DISP1: variants seen among roughly 807,000 people sequenced by gnomAD.
DISP1 encodes the protein protein dispatched homolog 1.
A neutral mutation model predicts 37.3 loss-of-function variants in DISP1; 30 were observed. That is an observed-to-expected ratio of 0.80 (90% CI 0.60 to 1.09). The LOEUF is 1.09. Among genes scored for constraint, DISP1 ranks in the 50% least tolerant of loss-of-function variants. DISP1 has a pLI of 0.00. For missense variants in DISP1, 1,598 were observed against 1,879.5 expected, an observed-to-expected ratio of 0.85 and a Z score of 2.77; for synonymous variants, 634 against 690.2, an observed-to-expected ratio of 0.92 and a Z score of 1.28.
chr1:223,002,895 C>G lies in DISP1; in HGVS notation c.1498C>G (p.Leu500Val), dbSNP rs1281010740. Residue 500 changes from leucine to valine, a missense_variant, in exon 9 of 9, where the codon CTT becomes GTT. Coordinates refer to ENST00000675850, the MANE Select transcript of DISP1 (RefSeq NM_001377229.1). ...CAAACACAGTTTGTTTCAGGATTAT[C>G]TTCTAATGGATACTGTGTATCCTGC... Reference protein sequence around the residue: ...GIKHSLFQDYLLMDTVYPAIA... With the variant: ...GIKHSLFQDYVLMDTVYPAIA... 1 of 1,613,866 alleles carries G rather than the reference C, an allele frequency of 6.2e-7. No individual in the cohort carries two copies. The highest frequency in any genetic ancestry group is 8.5e-7 in the Non-Finnish European group (1 of 1,180,052).
intron 2 of DISP1, 107 bp from the exon 3 acceptor site, chr1:222,942,700 G>T: frequency 4.5e-6 from 6 of 1,325,952 alleles, no homozygotes; most frequent in Admixed American, 1.8e-5. Context: ...TCACAACTCT[G>T]CAAGAACCCT....
At chr1:222,961,678 G>GT (rs1413879411) in intron 3 of DISP1, among the ~76,000 whole-genome samples, 3 of 152,156 alleles carry the variant, frequency 2.0e-5, no homozygotes, top group Non-Finnish European at 4.4e-5. Flanking sequence ...AAGTCAAATT[G>GT]TATCTGTTTG....
At chr1:222,908,728 G>A (rs17163548) in intron 1 of DISP1, among the ~76,000 whole-genome samples, 45,361 of 151,976 alleles carry the variant, frequency 0.3, 6,984 homozygotes, top group South Asian at 0.45. Context: ...ATTGAAATCA[G>A]TAACCTAATG....
chr1:222,927,350 T>C (rs1673146219), intron 1 of DISP1, among the ~76,000 whole-genome samples: 2 of 152,200 alleles, frequency 1.3e-5, no homozygotes, highest in Admixed American at 6.5e-5. Context: ...GTATTTCTTC[T>C]TTAGAGATGT....
intron 1 of DISP1, among the ~76,000 whole-genome samples, chr1:222,878,088 T>C (rs570776073): frequency 1.3e-5 from 2 of 152,312 alleles, no homozygotes; most frequent in African/African-American, 4.8e-5. Context: ...CTGACTATTA[T>C]AGTAAGCTAA....
At chr1:222,927,246 ATCTAATAAGATACCACTTATAAGTGGTT>A (rs1202872978) in intron 1 of DISP1, among the ~76,000 whole-genome samples, 1 of 152,006 alleles carries the variant, frequency 6.6e-6, no homozygotes, top group African/African-American at 2.4e-5. Context: ...GTGAAGTGGT[ATCTAATAAGATACCACTTATAAGTGGTT>A]TCGATTTGTA....
chr1:223,004,725 A>C lies in DISP1; in HGVS notation c.3328A>C (p.Thr1110Pro). The change falls in exon 9 of 9, where the codon ACC (threonine) becomes CCC (proline). Residue 1110 changes from threonine (T) to proline (P), a missense_variant. Transcript: ENST00000675850. This position sits in a 1 kb window ranked among gnomAD's most constrained non-coding sequence, Gnocchi z 4.9. The part of the protein sequence containing the change: ...STVLAYTQLG[T>P]FMMLIMCISW... ...AGTTCTAGCTTACACCCAGCTGGGC[A>C]CCTTCATGATGCTCATCATGTGTAT... The C allele has an allele frequency of 7.4e-6, 12 of 1,613,870 alleles. No homozygotes were observed. The highest frequency in any genetic ancestry group is 1.0e-5 in the Non-Finnish European group (12 of 1,180,018).
chr1:223,003,521 A>T lies in DISP1; in HGVS notation c.2124A>T (p.Lys708Asn). The change falls in exon 9 of 9, where the codon AAA (lysine) becomes AAT (asparagine). Residue 708 changes from lysine to asparagine, a missense_variant. Coordinates refer to ENST00000675850, the MANE Select transcript of DISP1 (RefSeq NM_001377229.1). This position sits in a 1 kb window ranked among gnomAD's most constrained non-coding sequence, Gnocchi z 4.3. ...ISEASRIFFE[K>N]VLPCIVIKFR... ...AAGCATCTCGAATTTTTTTCGAAAA[A>T]GTATTGCCATGCATTGTCATTAAGT... 1 of 1,614,172 alleles carries T rather than the reference A, an allele frequency of 6.2e-7. No individual in the cohort carries two copies. Among genetic ancestry groups the T allele is most frequent in the Non-Finnish European group, 8.5e-7 (1 of 1,180,030 alleles).
intron 7 of DISP1, among the ~76,000 whole-genome samples, chr1:222,993,832 T>C (rs1420807846): frequency 1.3e-5 from 2 of 152,184 alleles, no homozygotes; most frequent in African/African-American, 4.8e-5. Flanking sequence ...ACTAAAGCCA[T>C]TACCAGCTCT....
chr1:222,983,628 T>A (rs958511131), intron 4 of DISP1, among the ~76,000 whole-genome samples: 1 of 151,676 alleles, frequency 6.6e-6, no homozygotes, highest in Non-Finnish European at 1.5e-5. Context: ...AAAAAAAAAA[T>A]ATTTGTGCGT....
intron 1 of DISP1, among the ~76,000 whole-genome samples, chr1:222,825,385 A>T (rs1417060921): frequency 6.6e-6 from 1 of 152,182 alleles, no homozygotes; most frequent in African/African-American, 2.4e-5. Context: ...TCTGTCAATA[A>T]ATTTTAGAAA....
chr1:222,859,123 C>T (rs560230366), intron 1 of DISP1, among the ~76,000 whole-genome samples: 37 of 152,128 alleles, frequency 2.4e-4, no homozygotes, highest in Non-Finnish European at 4.4e-4. Context: ...AAATGTGATA[C>T]ATATACACCA....
At chr1:222,911,504 T>C (rs1296985763) in intron 1 of DISP1, among the ~76,000 whole-genome samples, 3 of 152,010 alleles carry the variant, frequency 2.0e-5, no homozygotes, top group Admixed American at 6.6e-5. Context: ...TTTTTGGCTT[T>C]TAATTTTTTT....
At chr1:222,842,648 G>C (rs1229393310) in intron 1 of DISP1, among the ~76,000 whole-genome samples, 1 of 151,982 alleles carries the variant, frequency 6.6e-6, no homozygotes, top group African/African-American at 2.4e-5. Context: ...CATAAATACT[G>C]CCCCTCCCAA....
At chr1:222,825,443 C>CT (rs1471007837) in intron 1 of DISP1, among the ~76,000 whole-genome samples, 1 of 151,010 alleles carries the variant, frequency 6.6e-6, no homozygotes, top group Non-Finnish European at 1.5e-5. Flanking sequence ...GCAGTAGATC[C>CT]TTTTTTAACT....
At chr1:222,837,009 A>G in intron 1 of DISP1, 1 of 398,546 alleles carries the variant, frequency 2.5e-6, no homozygotes, top group Non-Finnish European at 4.4e-6. Flanking sequence ...TAAAATTTCT[A>G]GTCCTGCCTG....
chr1:222,960,245 T>C (rs942830557), intron 3 of DISP1, among the ~76,000 whole-genome samples: 30 of 152,172 alleles, frequency 2.0e-4, no homozygotes, highest in Non-Finnish European at 1.2e-4. Context: ...CCTCAGCAAA[T>C]GCAGAAGAAC....
chr1:222,902,950 G>T (rs1671680966), intron 1 of DISP1, among the ~76,000 whole-genome samples: 1 of 151,572 alleles, frequency 6.6e-6, no homozygotes, highest in South Asian at 2.1e-4. Context: ...CCCATTACTG[G>T]GTATATACCC....
At chr1:222,905,420 G>GAA (rs1558321810) in intron 1 of DISP1, among the ~76,000 whole-genome samples, 2 of 148,510 alleles carry the variant, frequency 1.3e-5, no homozygotes, top group Non-Finnish European at 1.5e-5. Context: ...CTTAGAAATG[G>GAA]CTAATTAAAG....
Sources: gnomAD v4.1 joint callset for allele counts (sites outside exome capture counted in the v4.1 genomes callset) on GRCh38, gnomAD v4.1.1 for gene constraint, Gnocchi (gnomAD v3.1) non-coding constraint, MANE v1.5 for transcripts, NCBI Gene and HGNC (gene_info 2026-07-23, HGNC 2026-07-21) for gene names.